IL1RAPL1: variants seen among roughly 807,000 people sequenced by gnomAD.
IL1RAPL1 encodes the protein interleukin-1 receptor accessory protein-like 1.
Under a neutral mutation model 48.4 loss-of-function variants are expected in IL1RAPL1, and 3 were observed. The ratio of observed to expected loss-of-function variants is 0.06; its 90% CI spans 0.03 to 0.16. The LOEUF is 0.16. Ranked by LOEUF, IL1RAPL1 falls within the 10% of genes least tolerant of loss-of-function variation. The pLI, the probability that IL1RAPL1 is intolerant of heterozygous loss-of-function variation, is 1.00. For missense variants in IL1RAPL1, 349 were observed against 530.6 expected, an observed-to-expected ratio of 0.66 and a Z score of 3.36; for synonymous variants, 185 against 187.7, an observed-to-expected ratio of 0.99 and a Z score of 0.12.
At chrX:29,288,052 C>T (rs1245261922) in intron 3 of IL1RAPL1, among the ~76,000 whole-genome samples, 6 of 111,457 alleles carry the variant, frequency 5.4e-5, no homozygotes, top group Non-Finnish European at 1.1e-4. Flanking sequence ...AATTCAGTTG[C>T]TTTACATTTT....
intron 6 of IL1RAPL1, among the ~76,000 whole-genome samples, chrX:29,775,719 G>A (rs1032752396): frequency 2.7e-5 from 3 of 111,658 alleles, no homozygotes; most frequent in Non-Finnish European, 5.7e-5. Context: ...ACACCTGAAT[G>A]CTGAATGGGA....
intron 1 of IL1RAPL1, among the ~76,000 whole-genome samples, chrX:28,762,532 C>G (rs1471204887): frequency 2.7e-5 from 3 of 111,071 alleles, no homozygotes; most frequent in African/African-American, 9.8e-5. Context: ...TTGGTAGAGT[C>G]TCTTTCAGAC....
chrX:29,802,844 T>TATATAC, intron 6 of IL1RAPL1, among the ~76,000 whole-genome samples: 2 of 90,204 alleles, frequency 2.2e-5, no homozygotes, highest in African/African-American at 8.8e-5. Flanking sequence ...TATGTATACA[T>TATATAC]ATATGTGTAT....
chrX:29,797,207 C>T (rs372120442), intron 6 of IL1RAPL1, among the ~76,000 whole-genome samples: 12 of 112,329 alleles, frequency 1.1e-4, no homozygotes, highest in African/African-American at 2.9e-4. Context: ...GCTTCTCTTC[C>T]GTTGTACTCT....
intron 2 of IL1RAPL1, among the ~76,000 whole-genome samples, chrX:29,050,395 T>A (rs1354717152): frequency 9.0e-6 from 1 of 111,670 alleles, no homozygotes; most frequent in East Asian, 2.8e-4. Context: ...GAGAGAACAG[T>A]TGAGTAATTT....
chrX:28,756,704 C>T (rs1936109448), intron 1 of IL1RAPL1, among the ~76,000 whole-genome samples: 1 of 111,854 alleles, frequency 8.9e-6, no homozygotes, highest in Non-Finnish European at 1.9e-5. Context: ...TTCCATTTTT[C>T]TGTTTAATTG....
chrX:29,422,273 A>G (rs1281345758), intron 5 of IL1RAPL1, among the ~76,000 whole-genome samples: 1 of 111,852 alleles, frequency 8.9e-6, no homozygotes, highest in Admixed American at 9.5e-5. Flanking sequence ...GACTTTAGAC[A>G]TATAAAAGAA....
chrX:29,935,394 T>C, intron 8 of IL1RAPL1, among the ~76,000 whole-genome samples: 1 of 111,349 alleles, frequency 9.0e-6, no homozygotes, highest in Non-Finnish European at 1.9e-5. Context: ...AACTATATCG[T>C]TCATTTCATA....
chrX:29,883,782 C>G (rs761153387), intron 6 of IL1RAPL1, among the ~76,000 whole-genome samples: 3 of 112,204 alleles, frequency 2.7e-5, no homozygotes, highest in South Asian at 7.3e-4. Flanking sequence ...CTGCATCAGG[C>G]TTCATGTTTT....
At chrX:29,440,181 T>C (rs1043696244) in intron 5 of IL1RAPL1, among the ~76,000 whole-genome samples, 1 of 110,643 alleles carries the variant, frequency 9.0e-6, no homozygotes, top group South Asian at 3.8e-4. Context: ...ACAACTTGAA[T>C]TTTATTCGAA....
intron 2 of IL1RAPL1, among the ~76,000 whole-genome samples, chrX:29,018,587 G>T (rs1027645325): frequency 1.8e-5 from 2 of 111,994 alleles, no homozygotes; most frequent in Non-Finnish European, 3.8e-5. Context: ...ATGTTAAACA[G>T]CTTGTACTTC....
chrX:29,252,146 A>G (rs1174641682), intron 2 of IL1RAPL1, among the ~76,000 whole-genome samples: 2 of 112,816 alleles, frequency 1.8e-5, no homozygotes, highest in African/African-American at 3.3e-5. Context: ...GGATAGCTTT[A>G]GGAGATATAC....
At chrX:29,945,002 G>A (rs1044947033) in intron 9 of IL1RAPL1, among the ~76,000 whole-genome samples, 5 of 109,768 alleles carry the variant, frequency 4.6e-5, no homozygotes, top group Non-Finnish European at 7.6e-5. Context: ...TTTCATATAC[G>A]GTTTCCACAT....
chrX:29,088,560 CA>C (rs1480194487), intron 2 of IL1RAPL1, among the ~76,000 whole-genome samples: 1 of 106,561 alleles, frequency 9.4e-6, no homozygotes, highest in Non-Finnish European at 1.9e-5. Flanking sequence ...CCTGTAATCC[CA>C]GCTACTTGGG....
chrX:28,974,118 G>A (rs1162169201), intron 2 of IL1RAPL1, among the ~76,000 whole-genome samples: 1 of 111,869 alleles, frequency 8.9e-6, no homozygotes, highest in Non-Finnish European at 1.9e-5. Context: ...ATAAATTGAT[G>A]TAGTGGTTAC....
rs1186116185 is a variant in IL1RAPL1 at position 29,168,911 on chromosome X, A to G, written c.83-114027A>G. Among the ~76,000 whole-genome samples the G allele has an allele frequency of 9.6e-5, 9 of 93,379 alleles. 2 individuals carry two copies. Among genetic ancestry groups the G allele is most frequent in the Non-Finnish European group, 1.7e-4 (8 of 47,197 alleles). 81.1% of individuals were successfully genotyped at this position (93,379 alleles called of 115,157 possible). A position where few individuals can be genotyped will look rare whatever the true frequency, so the allele number is the denominator to read the frequency against. ...TATATTCATATGTACAATTGTATAT[A>G]TATTCATATGTACAATTGTATATAT... On this transcript the variant is annotated intron_variant, in intron 2 of 10. Coordinates refer to ENST00000378993, the MANE Select transcript of IL1RAPL1 (RefSeq NM_014271.4).
intron 1 of IL1RAPL1, among the ~76,000 whole-genome samples, chrX:28,737,371 C>G (rs1935855707): frequency 9.2e-6 from 1 of 108,414 alleles, no homozygotes; most frequent in Admixed American, 1.0e-4. Flanking sequence ...ATTCTCCTGC[C>G]TCAGCTTCCT....
chrX:29,388,258 G>A (rs778897509), intron 3 of IL1RAPL1, among the ~76,000 whole-genome samples: 1 of 110,494 alleles, frequency 9.1e-6, no homozygotes, highest in African/African-American at 3.3e-5. Context: ...GAAGTCTTTA[G>A]CCTCAACAGG....
At chrX:29,784,596 G>T (rs867089497) in intron 6 of IL1RAPL1, among the ~76,000 whole-genome samples, 3 of 110,715 alleles carry the variant, frequency 2.7e-5, no homozygotes, top group Middle Eastern at 4.3e-3. Flanking sequence ...ATCATGAATG[G>T]CTGCTCTATT....
Sources: gnomAD v4.1 joint callset for allele counts (sites outside exome capture counted in the v4.1 genomes callset) on GRCh38, gnomAD v4.1.1 for gene constraint, MANE v1.5 for transcripts, NCBI Gene and HGNC (gene_info 2026-07-23, HGNC 2026-07-21) for gene names.